Variants in SELP observed in about 807,000 individuals in gnomAD.
SELP encodes the protein selectin P.
In SELP, 92 loss-of-function variants were observed where a neutral mutation model predicts 104.1. The ratio of observed to expected loss-of-function variants is 0.88; its 90% CI spans 0.75 to 1.05. The LOEUF is 1.05. Ranked by LOEUF, SELP falls within the 50% of genes least tolerant of loss-of-function variation. SELP has a pLI of 0.00. For missense variants in SELP, 1,022 were observed against 1,017.3 expected (o/e 1.00, Z -0.06); for synonymous variants, 397 against 364.5 (o/e 1.09, Z -1.01).
At chr1:169,616,988 T>C (rs1457436768) in intron 3 of SELP, 40 bp downstream of exon 3, 1 of 1,522,760 alleles carries the variant, frequency 6.6e-7, no homozygotes, top group Non-Finnish European at 8.8e-7. Context: ...CAGGGTTTTT[T>C]TTTTTTAACA....
Position 169,595,975 on chromosome 1 carries a change from A to C in SELP, c.2051T>G (p.Leu684Arg). The C allele has an allele frequency of 6.2e-7, 1 of 1,613,866 alleles. No individual in the cohort carries two copies. The highest frequency in any genetic ancestry group is 8.5e-7 in the Non-Finnish European group (1 of 1,179,828). The change falls in exon 12 of 17, where the codon CTC becomes CGC. Residue 684 changes from leucine to arginine, a missense_variant. Transcript: ENST00000263686. ...CCATTGTCCTGAAGGTCTGCAGCTG[A>C]GAGTGCTGTCTCCTATGAGTGTGAA... ...AGFTLIGDST[L>R]SCRPSGQWTA... is the part of the protein sequence containing the mutation.
chr1:169,603,158 G>C lies in SELP; in HGVS notation c.1573C>G (p.Gln525Glu). Residue 525 changes from glutamine (Q) to glutamate (E), a missense_variant, in exon 10 of 17, where the codon CAA (glutamine) becomes GAA (glutamate). Physicochemically the swap from Gln to Glu is conservative, Grantham distance 29 (BLOSUM62 2). Coordinates refer to ENST00000263686, the MANE Select transcript of SELP (RefSeq NM_003005.4). Reference sequence around the variant, plus strand: ...TTATAACTGGAACTTCCAAGAGGTTGAACACAGGTCATTGTTCCATTCTGA... The same window carrying C: ...TTATAACTGGAACTTCCAAGAGGTTCAACACAGGTCATTGTTCCATTCTGA... ...SPQNGTMTCV[Q>E]PLGSSSYKST... 1.9e-6 allele frequency: 3 copies of C among 1,614,080 alleles called. No homozygotes were observed. Among genetic ancestry groups the C allele is most frequent in the Non-Finnish European group, 2.5e-6 (3 of 1,179,968 alleles).
chr1:169,596,163 G>T, intron 11 of SELP, 29 bp from the exon 12 acceptor site: 2 of 1,595,552 alleles, frequency 1.3e-6, no homozygotes, highest in South Asian at 1.1e-5. Context: ...TCCATTCAGA[G>T]ACCTCCCAAT....
rs759624880 is a variant in SELP at position 169,597,141 on chromosome 1, C to G, written c.1741G>C (p.Gly581Arg). 4.4e-6 allele frequency: 7 copies of G among 1,609,112 alleles called. No homozygotes were observed. In the South Asian group the frequency reaches 6.6e-5, roughly 15 times the overall value. The change falls in exon 11 of 17, where the codon GGC becomes CGC. Residue 581 changes from glycine (G) to arginine (R), a missense_variant. Coordinates refer to ENST00000263686, the MANE Select transcript of SELP (RefSeq NM_003005.4). ...CGAGTGTCAGAACAATCCAGGCTGC[C>G]CTGCTCTGGGGCAAAGAGTTCTGGG... ...KCPELFAPEQ[G>R]SLDCSDTRGE...
chr1:169,609,455 C>T (rs375237739), intron 8 of SELP, 49 bp downstream of exon 8: 24 of 1,547,070 alleles, frequency 1.6e-5, no homozygotes, highest in Middle Eastern at 3.5e-4. Context: ...GATGCTGATG[C>T]CTCTAACGAG....
chr1:169,607,412 G>T (rs1305474079), intron 8 of SELP, among the ~76,000 whole-genome samples: 1 of 152,018 alleles, frequency 6.6e-6, no homozygotes. Flanking sequence ...TAATCAAGAT[G>T]CATACCAAAA....
rs1661457540 is a variant in SELP, at chr1:169,593,712, G to T, written c.2300C>A (p.Thr767Asn). Residue 767 changes from threonine (T) to asparagine (N), a missense_variant, in exon 14 of 17, where the codon ACT becomes AAT. Coordinates refer to ENST00000263686, the MANE Select transcript of SELP (RefSeq NM_003005.4). ...TVPTCQAGPL[T>N]IQEALTYFGG... ...AAAGTAAGTCAGGGCTTCCTGGATA[G>T]TCAATGGTCCTGCTACAAAACAAAC... The T allele has an allele frequency of 6.2e-7, 1 of 1,613,452 alleles. No homozygotes were observed. The highest frequency in any genetic ancestry group is 8.5e-7 in the Non-Finnish European group (1 of 1,179,530).
chr1:169,619,043 G>A (rs1662964578), intron 2 of SELP, 86 bp downstream of exon 2: 16 of 1,114,374 alleles, frequency 1.4e-5, no homozygotes, highest in Non-Finnish European at 2.1e-5. Context: ...CAAACCAACT[G>A]GCTACAATCC....
intron 14 of SELP, among the ~76,000 whole-genome samples, chr1:169,592,101 A>T (rs1571617014): frequency 6.6e-6 from 1 of 152,228 alleles, no homozygotes; most frequent in East Asian, 1.9e-4. Flanking sequence ...TGATTCCTAC[A>T]TGATCATAGA....
At position 169,597,182 on chromosome 1, in the gene SELP, G is replaced by A. The variant is rs1661673761; in HGVS notation, c.1706-6C>T. 6.3e-7 allele frequency: 1 copy of A among 1,579,994 alleles called. No homozygotes were observed. Among genetic ancestry groups the A allele is most frequent in the South Asian group, 1.1e-5 (1 of 87,346 alleles). ...GAGTTCTGGGCACTTGATGGCTAGAGTATCAAATTAAGAGTGTCACAATCT... is the reference window on the plus strand; with the variant it reads ...GAGTTCTGGGCACTTGATGGCTAGAATATCAAATTAAGAGTGTCACAATCT... On this transcript the variant is annotated splice_region_variant and splice_polypyrimidine_tract_variant and intron_variant, in intron 10 of 16. Coordinates refer to ENST00000263686, the MANE Select transcript of SELP (RefSeq NM_003005.4).
In SELP at chr1:169,589,445, T is replaced by C. The variant is rs1261808183; in HGVS notation, c.*18A>G. Reference sequence around the variant, plus strand: ...AAGGTAATTCCATGTCTTTGATTCATGGGTGTTTATGGAAACCTGCAGCAA... The same window carrying C: ...AAGGTAATTCCATGTCTTTGATTCACGGGTGTTTATGGAAACCTGCAGCAA... On this transcript the variant is annotated 3_prime_UTR_variant, in exon 17 of 17. Coordinates refer to ENST00000263686, the MANE Select transcript of SELP (RefSeq NM_003005.4). The C allele has an allele frequency of 2.0e-5, 3 of 152,284 alleles. No homozygotes were observed. Among genetic ancestry groups the C allele is most frequent in the Admixed American group, 2.0e-4 (3 of 15,288 alleles). The allele number at this position is 152,284 out of a possible 1,614,324, so 9.4% of individuals were successfully genotyped here.
In SELP at chr1:169,594,441, C is replaced by T. The variant is rs3917830; in HGVS notation, c.2287+251G>A. ...AAGGTCTGTTAAACAGAGATTATAA[C>T]GAAGCAAAAGGTTTCATTTCACAAA... is the stretch of plus-strand genomic sequence containing the variant. On this transcript the variant is annotated intron_variant, in intron 13 of 16. Transcript: ENST00000263686. Among the ~76,000 whole-genome samples the T allele has an allele frequency of 7.5e-3, 1,148 of 152,202 alleles. 17 individuals are homozygous for T. Among genetic ancestry groups the T allele is most frequent in the African/African-American group, 0.025 (1,056 of 41,534 alleles).
intron 15 of SELP, 135 bp from the exon 16 acceptor site, chr1:169,590,337 A>T: frequency 1.5e-6 from 1 of 681,506 alleles, no homozygotes; most frequent in Admixed American, 2.7e-5. Flanking sequence ...AAAGAAAAAT[A>T]AATGCCAAAG....
intron 10 of SELP, 88 bp from the exon 11 acceptor site, chr1:169,597,264 A>C: frequency 8.5e-7 from 1 of 1,181,318 alleles, no homozygotes; most frequent in South Asian, 1.8e-5. Context: ...TATATTCAAA[A>C]AATATTTATT....
rs148184515 is a variant in SELP at position 169,612,972 on chromosome 1, G to A, written c.732C>T (p.Cys244=). The change falls in exon 5 of 17, where the codon TGC becomes TGT. Residue 244 remains cysteine (C), a synonymous_variant. Coordinates refer to ENST00000263686, the MANE Select transcript of SELP (RefSeq NM_003005.4). The part of the protein sequence containing the change: ...YQVNGPSKLE[C]LASGIWTNKP... ...TATTTGTCCAGATTCCAGAAGCCAA[G>A]CATTCCAGCTTGCTGGGCCCATTTA... 7.3e-5 allele frequency: 118 copies of A among 1,613,188 alleles called. No individual in the cohort carries two copies. The highest frequency in any genetic ancestry group is 4.8e-4 in the African/African-American group (36 of 74,908).
At chr1:169,603,307 C>CTGTGTGTGTGTGTGTGTG (rs3035296) in intron 9 of SELP, 96 bp from the exon 10 acceptor site, 101 of 605,666 alleles carry the variant, frequency 1.7e-4, no homozygotes, top group African/African-American at 1.0e-3. Context: ...CTCTCTCTCT[C>CTGTGTGTGTGTGTGTGTG]TGTGTGTGTG....
At chr1:169,597,328 T>C (rs941715155) in intron 10 of SELP, 152 bp from the exon 11 acceptor site, 9 of 622,632 alleles carry the variant, frequency 1.4e-5, no homozygotes, top group Non-Finnish European at 2.3e-5. Context: ...CAACATATCA[T>C]GTAGGTCATT....
At chr1:169,609,170 G>A (rs1490822821) in intron 8 of SELP, among the ~76,000 whole-genome samples, 1 of 152,104 alleles carries the variant, frequency 6.6e-6, no homozygotes, top group Non-Finnish European at 1.5e-5. Flanking sequence ...GGAAGTGACA[G>A]GACTGAGCTA....
intron 4 of SELP, 57 bp from the exon 5 acceptor site, chr1:169,613,171 T>A: frequency 6.9e-7 from 1 of 1,456,360 alleles, no homozygotes; most frequent in Non-Finnish European, 9.2e-7. Context: ...AGCAATGTCA[T>A]GTTTGCTGAA....
Sources: gnomAD v4.1 joint callset for allele counts (sites outside exome capture counted in the v4.1 genomes callset) on GRCh38, gnomAD v4.1.1 for gene constraint, MANE v1.5 for transcripts, NCBI Gene and HGNC (gene_info 2026-07-23, HGNC 2026-07-21) for gene names.